RORB: variants seen among roughly 807,000 people sequenced by gnomAD.
The protein encoded by RORB is nuclear receptor ROR-beta.
RORB carries 6 observed loss-of-function variants against 59.1 expected under a neutral mutation model. The ratio of observed to expected loss-of-function variants is 0.10; its 90% confidence interval spans 0.06 to 0.20. The LOEUF (loss-of-function observed/expected upper bound fraction) is 0.20, where lower values mean the gene tolerates loss of function less well. Among genes scored for constraint, RORB ranks in the 10% least tolerant of loss-of-function variants. The probability of loss-of-function intolerance (pLI) is 1.00; values close to 1 mark genes in which losing one functional copy is unlikely to be tolerated. For synonymous variants in RORB, 215 were observed against 204.5 expected (o/e 1.05, Z -0.44); for missense variants, 320 against 560.5 (o/e 0.57, Z 4.33).
In RORB at chr9:74,667,978, C is replaced by T. The variant is rs1480401078; in HGVS notation, c.1111+77C>T. On this transcript the variant is annotated intron_variant, in intron 8 of 9. Transcript: ENST00000376896. ...TTAACACTGATGACACCTGCCTAAG[C>T]CAAAGTGTTCAGGAGAAACTTTAAC... 4 of 863,752 alleles carry T rather than the reference C, an allele frequency of 4.6e-6. No individual in the cohort carries two copies. The Admixed American group carries it at 7.1e-5, about 15-fold the overall frequency. 53.5% of individuals were successfully genotyped at this position (863,752 alleles called of 1,614,324 possible).
intron 1 of RORB, among the ~76,000 whole-genome samples, chr9:74,577,913 C>T (rs1822662390): frequency 6.6e-6 from 1 of 152,074 alleles, no homozygotes; most frequent in African/African-American, 2.4e-5. Context: ...TTGAGACTGT[C>T]TCCACAGTTC....
chr9:74,679,584 G>A lies in RORB; in HGVS notation c.1225-5879G>A, dbSNP rs1824509019. Among the ~76,000 whole-genome samples the A allele has an allele frequency of 3.9e-5, 6 of 152,070 alleles. No homozygotes were observed. The South Asian group carries it at 1.0e-3, about 26-fold the overall frequency. ...TTGAACCTGCATTTATTATGAATAG[G>A]TACTACGTGCCAGGTGCAAGGAGAC... On this transcript the variant is annotated intron_variant, in intron 9 of 9. Transcript: ENST00000376896.
chr9:74,627,876 GAAT>G (rs1823546612), intron 1 of RORB, among the ~76,000 whole-genome samples: 2 of 151,880 alleles, frequency 1.3e-5, no homozygotes, highest in South Asian at 4.1e-4. Flanking sequence ...TTTGATAAAG[GAAT>G]AATAATGTGG....
chr9:74,625,077 G>A (rs959853958), intron 1 of RORB, among the ~76,000 whole-genome samples: 2 of 152,038 alleles, frequency 1.3e-5, no homozygotes, highest in Non-Finnish European at 2.9e-5. Flanking sequence ...TACAAGTATA[G>A]CCCCAAACCA....
chr9:74,553,183 C>T (rs12352684), intron 1 of RORB, among the ~76,000 whole-genome samples: 50,176 of 151,818 alleles, frequency 0.33, 8,471 homozygotes, highest in Non-Finnish European at 0.37. Flanking sequence ...GACCAATTTT[C>T]GGTAGTCCTG....
chr9:74,498,332 C>G (rs1294442605), intron 1 of RORB: 1 of 308,070 alleles, frequency 3.2e-6, no homozygotes, highest in Non-Finnish European at 6.1e-6. Flanking sequence ...AGGGATGCCT[C>G]TGGACAGGAG....
rs570954891 is a variant in RORB, at chr9:74,614,381, C to T, written c.8-15901C>T. 5.3e-5 allele frequency among the ~76,000 whole-genome samples: 8 copies of T among 151,410 alleles called. No homozygotes were observed. In the South Asian group the frequency reaches 1.5e-3, roughly 28 times the overall value. ...ACTTTTTTAAATTAAAAGACAACCT[C>T]TTTTTTTTAAAAAAAAGCCATTTGT... On this transcript the variant is annotated intron_variant, in intron 1 of 9. Coordinates refer to ENST00000376896, the MANE Select transcript of RORB (RefSeq NM_006914.4).
intron 1 of RORB, among the ~76,000 whole-genome samples, chr9:74,599,038 G>A (rs1823014716): frequency 6.6e-6 from 1 of 152,114 alleles, no homozygotes. Context: ...AGACATGCAT[G>A]AGGGAGCCAC....
At chr9:74,606,845 A>C (rs1436673591) in intron 1 of RORB, among the ~76,000 whole-genome samples, 1 of 152,194 alleles carries the variant, frequency 6.6e-6, no homozygotes. Context: ...GAGATCTAAA[A>C]AATAGCAATA....
intron 1 of RORB, among the ~76,000 whole-genome samples, chr9:74,584,414 T>C (rs919555662): frequency 2.6e-5 from 4 of 152,212 alleles, no homozygotes; most frequent in Non-Finnish European, 5.9e-5. Flanking sequence ...TAATTACTTA[T>C]AGGGTTGTTG....
chr9:74,573,513 G>A (rs1000492538), intron 1 of RORB, among the ~76,000 whole-genome samples: 2 of 150,152 alleles, frequency 1.3e-5, no homozygotes, highest in African/African-American at 4.9e-5. Flanking sequence ...AGCAAACAGC[G>A]TTGGGATTTT....
At chr9:74,524,644 CT>C (rs560831678) in intron 1 of RORB, among the ~76,000 whole-genome samples, 2 of 151,816 alleles carry the variant, frequency 1.3e-5, no homozygotes, top group South Asian at 4.2e-4. Flanking sequence ...AATGTAAATA[CT>C]TTTTTTTAAC....
At chr9:74,561,242 C>T (rs768028124) in intron 1 of RORB, among the ~76,000 whole-genome samples, 13 of 151,998 alleles carry the variant, frequency 8.6e-5, no homozygotes, top group Non-Finnish European at 1.9e-4. Flanking sequence ...AAATAATCAT[C>T]GCTGCATTCT....
intron 1 of RORB, among the ~76,000 whole-genome samples, chr9:74,575,791 C>G (rs2118239862): frequency 6.6e-6 from 1 of 152,168 alleles, no homozygotes; most frequent in South Asian, 2.1e-4. Flanking sequence ...TCTCCTTATA[C>G]AGTGGTACAG....
intron 7 of RORB, among the ~76,000 whole-genome samples, chr9:74,667,289 T>G (rs1433766096): frequency 2.6e-5 from 4 of 152,356 alleles, no homozygotes; most frequent in Non-Finnish European, 5.9e-5. Flanking sequence ...GAAGTGCATC[T>G]CATCTCTGTT....
chr9:74,552,827 A>G (rs561132633), intron 1 of RORB, among the ~76,000 whole-genome samples: 195 of 152,208 alleles, frequency 1.3e-3, no homozygotes, highest in African/African-American at 4.3e-3. Flanking sequence ...AATAATAATA[A>G]TAATAAGTGC....
intron 4 of RORB, among the ~76,000 whole-genome samples, chr9:74,656,522 G>T (rs1381609445): frequency 1.3e-5 from 2 of 152,208 alleles, no homozygotes; most frequent in African/African-American, 4.8e-5. Flanking sequence ...GATCGCCTGA[G>T]GTCAAGAGTT....
intron 4 of RORB, among the ~76,000 whole-genome samples, chr9:74,653,085 T>C (rs1383549599): frequency 1.3e-5 from 2 of 152,206 alleles, no homozygotes; most frequent in Non-Finnish European, 2.9e-5. Context: ...ACTTGTTCTG[T>C]CTAATGACAG....
At chr9:74,662,685 T>C (rs188943170) in intron 6 of RORB, 79 bp downstream of exon 6, 1 of 1,467,918 alleles carries the variant, frequency 6.8e-7, no homozygotes, top group Non-Finnish European at 9.3e-7. Flanking sequence ...TTCTAGAAAA[T>C]CCTCCTTCCG....
Sources: allele counts gnomAD v4.1 joint callset (sites outside exome capture counted in the v4.1 genomes callset), GRCh38; gene constraint gnomAD v4.1.1; transcripts MANE v1.5; gene names NCBI Gene and HGNC (gene_info 2026-07-23, HGNC 2026-07-21).